Variants in PCDH15 observed in about 807,000 individuals in gnomAD.
PCDH15 encodes protocadherin related 15.
Under a neutral mutation model 178.5 loss-of-function variants are expected in PCDH15, and 129 were observed. That is an observed-to-expected ratio of 0.72 (90% CI 0.63 to 0.84). PCDH15 has a LOEUF of 0.84. Among genes scored for constraint, PCDH15 ranks in the 40% least tolerant of loss-of-function variants. The pLI is 0.00. For synonymous variants in PCDH15, 800 were observed against 732.0 expected (o/e 1.09, Z -1.50); for missense variants, 2,230 against 2,099.9 (o/e 1.06, Z -1.21).
At chr10:54,145,968 C>T (rs1053440125) in intron 14 of PCDH15, among the ~76,000 whole-genome samples, 1 of 152,028 alleles carries the variant, frequency 6.6e-6, no homozygotes, top group Non-Finnish European at 1.5e-5. Context: ...TAAAACTGCA[C>T]TTGTATTTAT....
rs1564486142 is a variant in PCDH15 at position 55,617,407 on chromosome 10, G to A, written c.-156+10218C>T. ...AAAATACTGTAAAATAATATGCAGT[G>A]TGTTTGTGAAAGGTCAATAACATGC... On this transcript the variant is annotated intron_variant, in intron 2 of 5. Coordinates refer to the PCDH15 transcript ENST00000613346. 5.3e-5 allele frequency among the ~76,000 whole-genome samples: 8 copies of A among 152,180 alleles called. No individual in the cohort carries two copies. In the South Asian group the frequency reaches 1.7e-3, roughly 32 times the overall value.
intron 18 of PCDH15, among the ~76,000 whole-genome samples, chr10:54,047,707 A>G (rs987135242): frequency 1.3e-5 from 2 of 152,056 alleles, no homozygotes; most frequent in Non-Finnish European, 2.9e-5. Context: ...ACTTAAAATA[A>G]TGGTCTCCAG....
intron 1 of PCDH15, among the ~76,000 whole-genome samples, chr10:55,210,618 CTTTTTTTTTTTTTTT>C (rs11412877): frequency 1.6e-3 from 66 of 40,348 alleles, no homozygotes; most frequent in South Asian, 5.0e-3. Flanking sequence ...TTTTTCTTTT[CTTTTTTTTTTTTTTT>C]TTTTTTTTTT....
upstream of PCDH15, among the ~76,000 whole-genome samples, chr10:54,805,053 T>C (rs1952758094): frequency 6.7e-6 from 1 of 149,928 alleles, no homozygotes; most frequent in Non-Finnish European, 1.5e-5. Flanking sequence ...TAACTAAATA[T>C]AATATTTCTT....
intron 3 of PCDH15, among the ~76,000 whole-genome samples, chr10:54,518,760 AAAG>A (rs1441383719): frequency 6.6e-6 from 1 of 152,188 alleles, no homozygotes; most frequent in Non-Finnish European, 1.5e-5. Flanking sequence ...CGCAACCAAA[AAAG>A]AGAATTTTAG....
intron 2 of PCDH15, among the ~76,000 whole-genome samples, chr10:55,578,191 A>G (rs1447172583): frequency 6.6e-6 from 1 of 151,730 alleles, no homozygotes; most frequent in East Asian, 1.9e-4. Context: ...ATTATTTTAT[A>G]TTTTATTTTA....
chr10:54,154,084 T>C (rs547623431), intron 13 of PCDH15, among the ~76,000 whole-genome samples: 3 of 152,286 alleles, frequency 2.0e-5, no homozygotes, highest in Admixed American at 6.5e-5. Flanking sequence ...TGGGATATTA[T>C]ATGAAAAGAT....
intron 2 of PCDH15, among the ~76,000 whole-genome samples, chr10:54,942,007 G>A (rs1422535328): frequency 1.3e-5 from 2 of 152,042 alleles, no homozygotes; most frequent in Admixed American, 6.6e-5. Context: ...ATTCCTATCT[G>A]ATTGCACTAT....
At chr10:55,567,909 C>G (rs1842334743) in intron 2 of PCDH15, among the ~76,000 whole-genome samples, 1 of 151,060 alleles carries the variant, frequency 6.6e-6, no homozygotes, top group Admixed American at 6.6e-5. Context: ...CAAAATAAAA[C>G]AGAAAATAAT....
chr10:54,830,435 G>C (rs889242412), intron 3 of PCDH15, among the ~76,000 whole-genome samples: 1 of 152,006 alleles, frequency 6.6e-6, no homozygotes, highest in Non-Finnish European at 1.5e-5. Flanking sequence ...TCCTTTGTAG[G>C]GACATGGATG....
intron 2 of PCDH15, among the ~76,000 whole-genome samples, chr10:54,536,997 C>CTTTTTTTTTTTTTTTT (rs747880795): frequency 2.2e-5 from 2 of 92,118 alleles, no homozygotes; most frequent in African/African-American, 4.1e-5. Flanking sequence ...AATTTGTTTC[C>CTTTTTTTTTTTTTTTT]TTTTTTTTTT....
At chr10:54,636,465 T>C (rs1752406754) in intron 2 of PCDH15, among the ~76,000 whole-genome samples, 1 of 152,018 alleles carries the variant, frequency 6.6e-6, no homozygotes, top group African/African-American at 2.4e-5. Context: ...AACTAAATTG[T>C]ATTTAATTTG....
chr10:54,841,764 T>G (rs1242846962), intron 3 of PCDH15, among the ~76,000 whole-genome samples: 1 of 151,882 alleles, frequency 6.6e-6, no homozygotes, highest in South Asian at 2.1e-4. Flanking sequence ...AAAATAAAAA[T>G]AGAAAAAATT....
At chr10:53,896,680 C>T (rs2081973440) in intron 26 of PCDH15, among the ~76,000 whole-genome samples, 1 of 152,136 alleles carries the variant, frequency 6.6e-6, no homozygotes, top group Non-Finnish European at 1.5e-5. Context: ...GTATTAATAG[C>T]TACTCTTCAT....
chr10:55,314,919 T>C (rs538357684), intron 1 of PCDH15, among the ~76,000 whole-genome samples: 8 of 152,162 alleles, frequency 5.3e-5, no homozygotes, highest in Non-Finnish European at 1.2e-4. Context: ...ATTAAAATAA[T>C]TGAATACATT....
At chr10:54,896,570 C>T (rs1416854790) in intron 3 of PCDH15, among the ~76,000 whole-genome samples, 2 of 151,060 alleles carry the variant, frequency 1.3e-5, no homozygotes, top group African/African-American at 4.9e-5. Flanking sequence ...ATATGAATGC[C>T]AAGTCATGCC....
chr10:55,517,620 T>C (rs1179399265), intron 2 of PCDH15, among the ~76,000 whole-genome samples: 1 of 152,112 alleles, frequency 6.6e-6, no homozygotes, highest in South Asian at 2.1e-4. Context: ...CATGCAACTA[T>C]CATGCGTTCC....
intron 1 of PCDH15, among the ~76,000 whole-genome samples, chr10:54,714,100 T>C (rs2095452925): frequency 6.6e-6 from 1 of 152,166 alleles, no homozygotes; most frequent in South Asian, 2.1e-4. Flanking sequence ...TCTTCGGTTA[T>C]ATTTTCTTTC....
At chr10:54,247,881 A>AAAAT (rs1260841226) in intron 8 of PCDH15, among the ~76,000 whole-genome samples, 24 of 148,494 alleles carry the variant, frequency 1.6e-4, no homozygotes, top group African/African-American at 6.0e-4. Context: ...AAAAAAAAGA[A>AAAAT]ATATGTATAT....
Sources: allele counts gnomAD v4.1 joint callset (sites outside exome capture counted in the v4.1 genomes callset), GRCh38; gene constraint gnomAD v4.1.1; transcripts MANE v1.5; gene names NCBI Gene and HGNC (gene_info 2026-07-23, HGNC 2026-07-21).